Variants in ZNF85 observed in about 807,000 individuals in gnomAD.
ZNF85 encodes the protein zinc finger protein 85 (HPF4, HTF1).
In ZNF85, 50 loss-of-function variants were observed where a neutral mutation model predicts 53.9. The ratio of observed to expected loss-of-function variants is 0.93; its 90% confidence interval spans 0.74 to 1.17. ZNF85 has a LOEUF of 1.17. Among genes scored for constraint, ZNF85 ranks in the 50% most tolerant of loss-of-function variants. The pLI is 0.00. For missense variants in ZNF85, 747 were observed against 688.5 expected, an observed-to-expected ratio of 1.08 and a Z score of -0.95; for synonymous variants, 225 against 226.1, an observed-to-expected ratio of 1.00 and a Z score of 0.04.
intron 1 of ZNF85, 77 bp downstream of exon 1, chr19:20,923,480 C>T (rs1972805343): frequency 2.5e-6 from 4 of 1,608,416 alleles, no homozygotes; most frequent in Non-Finnish European, 3.4e-6. Flanking sequence ...TGGCGGGACT[C>T]AGGCCTCCCT....
chr19:20,935,457 G>A (rs775629977), intron 3 of ZNF85, among the ~76,000 whole-genome samples: 22 of 152,060 alleles, frequency 1.4e-4, no homozygotes, highest in Non-Finnish European at 2.4e-4. Context: ...CTGTTCCATT[G>A]GGGGTTTTTT....
intron 3 of ZNF85, among the ~76,000 whole-genome samples, chr19:20,945,929 C>T (rs560032806): frequency 5.9e-5 from 9 of 152,118 alleles, no homozygotes; most frequent in Non-Finnish European, 1.0e-4. Context: ...ATGTACATTA[C>T]GTATGTACTG....
chr19:20,928,685 C>G (rs36066016), intron 1 of ZNF85: 14,352 of 152,340 alleles, frequency 0.094, 809 homozygotes, highest in Non-Finnish European at 0.12. Context: ...CATATCCCAA[C>G]CCCCAGACAC....
chr19:20,939,895 C>G (rs984176907), intron 3 of ZNF85, among the ~76,000 whole-genome samples: 2 of 151,800 alleles, frequency 1.3e-5, no homozygotes, highest in Non-Finnish European at 2.9e-5. Context: ...CGGGGTTTCT[C>G]CATGTTGGTA....
chr19:20,948,483 C>CTTT (rs113433025), intron 3 of ZNF85, among the ~76,000 whole-genome samples: 2 of 146,792 alleles, frequency 1.4e-5, no homozygotes, highest in African/African-American at 2.5e-5. Context: ...ATGTAACAAA[C>CTTT]TTTTTTTTTC....
At chr19:20,933,957 ATGTGTGTGTGTGTGTGTG>A (rs56195718) in intron 1 of ZNF85, 49 bp from the exon 2 acceptor site, 104,857 of 1,158,030 alleles carry the variant, frequency 0.091, 2,505 homozygotes, top group Non-Finnish European at 0.1. Flanking sequence ...GTTGGTAATT[ATGTGTGTGTGTGTGTGTG>A]TGTGTGTGTG....
Position 20,934,093 on chromosome 19 carries a change from C to T in ZNF85, c.73C>T (p.Gln25Ter). The T allele has an allele frequency of 1.2e-6, 2 of 1,612,584 alleles. No homozygotes were observed. Among genetic ancestry groups the T allele is most frequent in the Non-Finnish European group, 8.5e-7 (1 of 1,179,258 alleles). Residue 25 changes from glutamine (Q) to a stop codon, truncating the protein, a stop_gained, in exon 2 of 4, where the codon CAG becomes TAG. Transcript: ENST00000328178. LOFTEE classifies it high-confidence loss of function. ...LKEWQCLDTA[Q>*]RNLYRNVMLE... ...GGAGTGGCAATGCCTGGACACTGCA[C>T]AGCGGAATTTATATAGAAATGTGAT...
chr19:20,930,082 T>A (rs1347927994), intron 1 of ZNF85, among the ~76,000 whole-genome samples: 2 of 134,672 alleles, frequency 1.5e-5, no homozygotes, highest in East Asian at 4.4e-4. Context: ...GATCATGCCA[T>A]TGCACTCCAG....
At chr19:20,934,669 A>C (rs371743352) in intron 2 of ZNF85, among the ~76,000 whole-genome samples, 1,690 of 151,652 alleles carry the variant, frequency 0.011, 29 homozygotes, top group African/African-American at 0.032. Flanking sequence ...CCCAGCTACT[A>C]AGGAGGCTGA....
At chr19:20,929,242 G>A (rs1972952324) in intron 1 of ZNF85, among the ~76,000 whole-genome samples, 1 of 150,536 alleles carries the variant, frequency 6.6e-6, no homozygotes, top group South Asian at 2.1e-4. Flanking sequence ...AGGCTGGAGT[G>A]CAATGGCATG....
At chr19:20,933,500 C>CA (rs147877935) in intron 1 of ZNF85, among the ~76,000 whole-genome samples, 15,518 of 151,970 alleles carry the variant, frequency 0.1, 881 homozygotes, top group Non-Finnish European at 0.13. Flanking sequence ...TCTTCTTGGC[C>CA]AAAAACATTA....
chr19:20,949,621 C>G lies in ZNF85; in HGVS notation c.1107C>G (p.Pro369=). 6.2e-7 allele frequency: 1 copy of G among 1,601,830 alleles called. No individual in the cohort carries two copies. Among genetic ancestry groups the G allele is most frequent in the Non-Finnish European group, 8.5e-7 (1 of 1,171,768 alleles). Residue 369 remains proline, a synonymous_variant, in exon 4 of 4, where the codon CCC becomes CCG. Transcript: ENST00000328178. ...THEVIHTGEK[P]YKCEKCGKAF... is the part of the protein sequence containing the mutation. ...AGGTAATTCATACTGGAGAGAAACC[C>G]TACAAATGTGAAAAATGTGGAAAAG...
intron 3 of ZNF85, among the ~76,000 whole-genome samples, chr19:20,938,856 G>GAA (rs1973222614): frequency 2.5e-5 from 3 of 118,140 alleles, no homozygotes; most frequent in African/African-American, 9.2e-5. Flanking sequence ...CTATATGTGT[G>GAA]TGTGTGTGTG....
In ZNF85 at chr19:20,948,748, G is replaced by A. The variant is rs1322946011; in HGVS notation, c.234G>A (p.Met78Ile). The change falls in exon 4 of 4, where the codon ATG becomes ATA. Residue 78 changes from methionine (M) to isoleucine (I), a missense_variant. By Grantham distance (10) the Met-to-Ile change is conservative. Transcript: ENST00000328178. The stretch of plus-strand genomic sequence containing the variant: ...TGTCATTTTTGTTTCTTTCAGTTAT[G>A]TGTTCTCATTTTGCCCAAGACCTTT... ...HEIMVAKPTV[M>I]CSHFAQDLWP... The A allele has an allele frequency of 6.5e-6, 10 of 1,543,158 alleles. No individual in the cohort carries two copies. The highest frequency in any genetic ancestry group is 7.8e-6 in the Non-Finnish European group (9 of 1,148,768).
At chr19:20,937,927 G>A (rs1311700726) in intron 3 of ZNF85, among the ~76,000 whole-genome samples, 1 of 152,180 alleles carries the variant, frequency 6.6e-6, no homozygotes, top group African/African-American at 2.4e-5. Flanking sequence ...AGTTTCTGTA[G>A]ATTGCCACCT....
chr19:20,937,385 C>T (rs1973185059), intron 3 of ZNF85: 3 of 455,926 alleles, frequency 6.6e-6, no homozygotes, highest in African/African-American at 2.0e-5. Flanking sequence ...GTTGGGCCCC[C>T]AGGGTGACGG....
chr19:20,930,063 G>C (rs971508992), intron 1 of ZNF85, among the ~76,000 whole-genome samples: 1 of 147,740 alleles, frequency 6.8e-6, no homozygotes, highest in Non-Finnish European at 1.5e-5. Context: ...AGAGGTTACA[G>C]TGAGCTGAGA....
intron 3 of ZNF85, among the ~76,000 whole-genome samples, chr19:20,947,842 A>G (rs972619495): frequency 2.0e-5 from 3 of 151,640 alleles, no homozygotes; most frequent in Non-Finnish European, 4.4e-5. Context: ...TCATTCTTCT[A>G]ATTTTCAATT....
At chr19:20,947,448 T>C (rs10454112) in intron 3 of ZNF85, among the ~76,000 whole-genome samples, 16,455 of 148,692 alleles carry the variant, frequency 0.11, 968 homozygotes, top group Middle Eastern at 0.13. Context: ...ATGTTATTTT[T>C]AGCATCTTTG....
Sources: gnomAD v4.1 joint callset for allele counts (sites outside exome capture counted in the v4.1 genomes callset) on GRCh38, gnomAD v4.1.1 for gene constraint, MANE v1.5 for transcripts, NCBI Gene and HGNC (gene_info 2026-07-23, HGNC 2026-07-21) for gene names.